The following CDC73 variants were observed in gnomAD, a reference collection of about 807,000 sequenced individuals.
CDC73 encodes parafibromin.
Under a neutral mutation model 83.7 loss-of-function variants are expected in CDC73, and 21 were observed. The observed-to-expected ratio is 0.25, with a 90% CI of 0.18 to 0.36. CDC73 has a LOEUF of 0.36. Ranked by LOEUF, CDC73 falls within the 10% of genes least tolerant of loss-of-function variation. The probability of loss-of-function intolerance (pLI) is 1.00; values close to 1 mark genes in which losing one functional copy is unlikely to be tolerated. For missense variants in CDC73, 342 were observed against 653.3 expected (o/e 0.52, Z 5.19); for synonymous variants, 224 against 212.9 (o/e 1.05, Z -0.45).
intron 9 of CDC73, 37 bp from the exon 10 acceptor site, chr1:193,152,343 T>C (rs1385808439): frequency 7.4e-7 from 1 of 1,347,240 alleles, no homozygotes; most frequent in Admixed American, 1.7e-5. Flanking sequence ...ATACATGATC[T>C]ATAAAATCTT....
chr1:193,222,681 C>T lies in CDC73; in HGVS notation c.1154+10204C>T, dbSNP rs374600508. On this transcript the variant is annotated intron_variant, in intron 13 of 16. Coordinates refer to ENST00000367435, the MANE Select transcript of CDC73 (RefSeq NM_024529.5). Reference sequence around the variant, plus strand: ...TTTATATACCCCACTTGGAATTTGTCAGAATTAAATCTGCGTATTGGTGTT... The same window carrying T: ...TTTATATACCCCACTTGGAATTTGTTAGAATTAAATCTGCGTATTGGTGTT... Among the ~76,000 whole-genome samples, 3 of 150,000 alleles carry T rather than the reference C, an allele frequency of 2.0e-5. No homozygotes were observed. The South Asian group carries it at 6.3e-4, about 32-fold the overall frequency.
intron 15 of CDC73, among the ~76,000 whole-genome samples, chr1:193,243,184 C>A (rs1415424445): frequency 6.6e-6 from 1 of 152,158 alleles, no homozygotes; most frequent in African/African-American, 2.4e-5. Flanking sequence ...TCAGGATCCG[C>A]TCTCCTTGGC....
At chr1:193,131,483 G>A (rs1252650913) in intron 3 of CDC73, among the ~76,000 whole-genome samples, 1 of 152,058 alleles carries the variant, frequency 6.6e-6, no homozygotes, top group Non-Finnish European at 1.5e-5. Context: ...TGTAGTCTTA[G>A]CAATAGAGTG....
At chr1:193,213,523 G>T (rs1677311500) in intron 13 of CDC73, among the ~76,000 whole-genome samples, 2 of 152,168 alleles carry the variant, frequency 1.3e-5, no homozygotes. Flanking sequence ...TTCAAAAATT[G>T]TAATACATAC....
At chr1:193,203,274 G>T (rs1490973490) in intron 10 of CDC73, among the ~76,000 whole-genome samples, 2 of 152,116 alleles carry the variant, frequency 1.3e-5, no homozygotes, top group African/African-American at 2.4e-5. Context: ...TAATTCAAAT[G>T]TAACATCTCT....
chr1:193,176,696 T>A (rs900759474), intron 10 of CDC73, among the ~76,000 whole-genome samples: 5 of 152,226 alleles, frequency 3.3e-5, no homozygotes, highest in African/African-American at 1.2e-4. Flanking sequence ...GTTAATCTCA[T>A]AGTGAAATTT....
intron 10 of CDC73, 83 bp from the exon 11 acceptor site, chr1:193,203,712 A>T (rs1677130125): frequency 9.3e-7 from 1 of 1,072,394 alleles, no homozygotes; most frequent in African/African-American, 1.6e-5. Context: ...AGACAGAGAG[A>T]TATGAGATTT....
Position 193,251,600 on chromosome 1 carries a change from TTCTTA to T in CDC73, c.*893_*897del, listed in dbSNP as rs1438902502. ...TATTTTAGGCTTGTCAGTCTTGGAG[TTCTTA>T]TCTTCCATTATCCCTAAATATTGAT... On this transcript the variant is annotated 3_prime_UTR_variant, in exon 17 of 17. Coordinates refer to ENST00000367435, the MANE Select transcript of CDC73 (RefSeq NM_024529.5). 1 of 232,102 alleles carries T rather than the reference TTCTTA, an allele frequency of 4.3e-6. No individual in the cohort carries two copies. Among genetic ancestry groups the T allele is most frequent in the South Asian group, 1.8e-4 (1 of 5,524 alleles). 14.4% of individuals were successfully genotyped at this position (232,102 alleles called of 1,614,324 possible).
chr1:193,125,897 A>G (rs547984243), intron 2 of CDC73, among the ~76,000 whole-genome samples: 14 of 152,226 alleles, frequency 9.2e-5, no homozygotes, highest in Middle Eastern at 3.4e-3. Context: ...TGTGACTTAC[A>G]CAGACTTTTT....
chr1:193,175,575 G>A (rs892558715), intron 10 of CDC73, among the ~76,000 whole-genome samples: 1 of 152,148 alleles, frequency 6.6e-6, no homozygotes, highest in African/African-American at 2.4e-5. Context: ...AACCCAGAAC[G>A]CCTGTGCTGA....
intron 10 of CDC73, chr1:193,180,517 G>T: frequency 6.2e-7 from 1 of 1,614,004 alleles, no homozygotes; most frequent in South Asian, 1.1e-5. Flanking sequence ...TCTCAACTTG[G>T]CAAGACAGAT....
rs189151082 is a variant in CDC73, at chr1:193,201,811, T to C, written c.973-1984T>C. ...CATGTTGTAAAATTCGTACTCTTTG[T>C]TATATAATACAGGTGTACAACTAAT... On this transcript the variant is annotated intron_variant, in intron 10 of 16. Transcript: ENST00000367435. Among the ~76,000 whole-genome samples the C allele has an allele frequency of 3.9e-5, 6 of 152,306 alleles. No individual in the cohort carries two copies. The East Asian group carries it at 9.6e-4, about 24-fold the overall frequency.
At chr1:193,231,067 G>T (rs1196642304) in intron 13 of CDC73, among the ~76,000 whole-genome samples, 3 of 152,118 alleles carry the variant, frequency 2.0e-5, no homozygotes, top group African/African-American at 7.2e-5. Flanking sequence ...ACCTGCAAAA[G>T]TTGAAATAGG....
chr1:193,130,067 T>C lies in CDC73; in HGVS notation c.238-107T>C, dbSNP rs1404257487. On this transcript the variant is annotated intron_variant, in intron 2 of 16. Transcript: ENST00000367435. ...TTTTACAAATGTGATTTAAAATACG[T>C]TTTTTCAAGATATGTTGGAATAAAA... The C allele has an allele frequency of 4.4e-6, 3 of 676,850 alleles. No homozygotes were observed. In the African/African-American group the frequency reaches 5.4e-5, roughly 12 times the overall value. The allele number at this position is 676,850 out of a possible 1,614,324, so 41.9% of individuals were successfully genotyped here.
intron 10 of CDC73, among the ~76,000 whole-genome samples, chr1:193,157,763 A>G (rs1292154439): frequency 1.3e-5 from 2 of 152,208 alleles, no homozygotes; most frequent in African/African-American, 4.8e-5. Context: ...AGATAAGTTA[A>G]TCAGTTGGAA....
intron 10 of CDC73, among the ~76,000 whole-genome samples, chr1:193,178,121 A>T (rs1328157159): frequency 1.3e-5 from 2 of 152,160 alleles, no homozygotes; most frequent in Non-Finnish European, 2.9e-5. Flanking sequence ...TGCTTAAGAA[A>T]ACGACTTGAG....
rs78871430 is a variant in CDC73, at chr1:193,192,568, G to C, written c.973-11227G>C. Among the ~76,000 whole-genome samples the C allele has an allele frequency of 3.3e-3, 498 of 152,328 alleles. 5 individuals are homozygous for C. Among genetic ancestry groups the C allele is most frequent in the African/African-American group, 0.011 (475 of 41,574 alleles). On this transcript the variant is annotated intron_variant, in intron 10 of 16. Transcript: ENST00000367435. Reference sequence around the variant, plus strand: ...TGATTCATGTAGCCATCTTCAGTATGATTGGTTATGGCCCGATTAGAAATA... The same window carrying C: ...TGATTCATGTAGCCATCTTCAGTATCATTGGTTATGGCCCGATTAGAAATA...
Position 193,161,655 on chromosome 1 carries a change from T to TAG in CDC73, c.972+9212_972+9213insGA, listed in dbSNP as rs1440991625. On this transcript the variant is annotated intron_variant, in intron 10 of 16. Coordinates refer to ENST00000367435, the MANE Select transcript of CDC73 (RefSeq NM_024529.5). ...ATATAATATATTATATAATATATAATATATTATATATCTATCATATAATAT... is the reference window on the plus strand; with the variant it reads ...ATATAATATATTATATAATATATAATAGATATTATATATCTATCATATAATAT... Among the ~76,000 whole-genome samples the TAG allele has an allele frequency of 3.3e-5, 2 of 60,194 alleles. 1 individual carries two copies. Among genetic ancestry groups the TAG allele is most frequent in the African/African-American group, 1.6e-4 (2 of 12,814 alleles). 39.5% of individuals were successfully genotyped at this position (60,194 alleles called of 152,430 possible).
At chr1:193,242,055 CA>C (rs1269575986) in intron 15 of CDC73, among the ~76,000 whole-genome samples, 1 of 147,488 alleles carries the variant, frequency 6.8e-6, no homozygotes, top group Admixed American at 6.8e-5. Context: ...GTTGTGGGGT[CA>C]CTGCCAGTGG....
Sources: gnomAD v4.1 joint callset for allele counts (sites outside exome capture counted in the v4.1 genomes callset) on GRCh38, gnomAD v4.1.1 for gene constraint, MANE v1.5 for transcripts, NCBI Gene and HGNC (gene_info 2026-07-23, HGNC 2026-07-21) for gene names.